The following LTBP3 variants were observed in gnomAD, a reference collection of about 807,000 sequenced individuals.
LTBP3 encodes latent-transforming growth factor beta-binding protein 3.
In LTBP3, 97 loss-of-function variants were observed where a neutral mutation model predicts 159.7. The observed-to-expected ratio is 0.61, with a 90% CI of 0.52 to 0.72. The LOEUF (loss-of-function observed/expected upper bound fraction) is 0.72, where lower values mean the gene tolerates loss of function less well. Ranked by LOEUF, LTBP3 falls within the 30% of genes least tolerant of loss-of-function variation. The pLI is 0.00. For missense variants in LTBP3, 1,584 were observed against 1,864.3 expected (o/e 0.85, Z 2.77); for synonymous variants, 824 against 777.1 (o/e 1.06, Z -1.00).
At chr11:65,556,813 C>T (rs546052599) in intron 1 of LTBP3, among the ~76,000 whole-genome samples, 1 of 152,166 alleles carries the variant, frequency 6.6e-6, no homozygotes, top group Non-Finnish European at 1.5e-5. Flanking sequence ...GGCCTAATTA[C>T]CCTGTCCAGG....
In LTBP3 at chr11:65,546,464, C is replaced by A; in HGVS notation, c.2331G>T (p.Ala777=). Residue 777 remains alanine (A), a synonymous_variant, in exon 16 of 28, where the codon GCG becomes GCT. Transcript: ENST00000301873. This position sits in a 1 kb window ranked among gnomAD's most constrained non-coding sequence, Gnocchi z 4.0. The part of the protein sequence containing the change: ...RCTCAQGYAP[A]PDGRSCLDVD... Reference sequence around the variant, plus strand: ...CACCCAAGCAACTGCGGCCGTCGGGCGCGGGCGCGTAGCCCTGGGCACAGG... The same window carrying A: ...CACCCAAGCAACTGCGGCCGTCGGGAGCGGGCGCGTAGCCCTGGGCACAGG... The A allele has an allele frequency of 6.3e-7, 1 of 1,577,604 alleles. No homozygotes were observed. The highest frequency in any genetic ancestry group is 8.6e-7 in the Non-Finnish European group (1 of 1,169,478).
Position 65,546,717 on chromosome 11 carries a change from A to ACCCCC in LTBP3, c.2230+80_2230+81insGGGGG. 17 of 1,519,238 alleles carry ACCCCC rather than the reference A, an allele frequency of 1.1e-5. No individual in the cohort carries two copies. The highest frequency in any genetic ancestry group is 1.4e-5 in the Non-Finnish European group (16 of 1,131,142). The allele number at this position is 1,519,238 out of a possible 1,614,324, so 94.1% of individuals were successfully genotyped here. A position where few individuals can be genotyped will look rare whatever the true frequency, so the allele number is the denominator to read the frequency against. On this transcript the variant is annotated intron_variant, in intron 15 of 27. Transcript: ENST00000301873. This position sits in a 1 kb window ranked among gnomAD's most constrained non-coding sequence, Gnocchi z 4.0. ...CCCCCAGACGCCAATCACCACCGCT[A>ACCCCC]CCCCGCCCCGCCCCCAGCGGAGCCA...
In LTBP3 at chr11:65,539,636, GAGC is replaced by G; in HGVS notation, c.3548-11_3548-9del. 1 of 1,608,326 alleles carries G rather than the reference GAGC, an allele frequency of 6.2e-7. No individual in the cohort carries two copies. Among genetic ancestry groups the G allele is most frequent in the Non-Finnish European group, 8.5e-7 (1 of 1,178,344 alleles). ...ATGTCGGGCAATGGGACCCTGGGAG[GAGC>G]AGAACTGGTCAGCGACGTCCGGGTC... On this transcript the variant is annotated splice_polypyrimidine_tract_variant and intron_variant, in intron 25 of 27. Transcript: ENST00000301873.
Position 65,539,724 on chromosome 11 carries a change from G to A in LTBP3, c.3543C>T (p.Gly1181=), listed in dbSNP as rs1379454381. Residue 1181 remains glycine, a synonymous_variant, in exon 25 of 28, where the codon GGC becomes GGT. Transcript: ENST00000301873. The stretch of plus-strand genomic sequence containing the variant: ...ACTCCTCCCCGACTGCCTTACCCGC[G>A]CCGCGCGGCGGGCACGGTCGGCATT... ...GAQCRPCPPR[G]AGSHCPTSQS... The A allele has an allele frequency of 1.3e-6, 2 of 1,549,612 alleles. No individual in the cohort carries two copies. The highest frequency in any genetic ancestry group is 8.7e-7 in the Non-Finnish European group (1 of 1,154,338).
At chr11:65,542,977 G>C in intron 18 of LTBP3, 128 bp downstream of exon 18, 1 of 1,128,962 alleles carries the variant, frequency 8.9e-7, no homozygotes, top group South Asian at 1.2e-5. Flanking sequence ...TGGATGGATA[G>C]ATGGATGGAT....
chr11:65,553,064 C>T lies in LTBP3; in HGVS notation c.1064-82G>A, dbSNP rs1856670067. 6.2e-7 allele frequency: 1 copy of T among 1,605,386 alleles called. No individual in the cohort carries two copies. The highest frequency in any genetic ancestry group is 1.3e-5 in the African/African-American group (1 of 74,704). ...TGCTCCAAGAACCTCAGGGTCTTGC[C>T]CCAGCCCCACCTCCTCTCTCGCCCA... On this transcript the variant is annotated intron_variant, in intron 5 of 27. Transcript: ENST00000301873. This position sits in a 1 kb window ranked among gnomAD's most constrained non-coding sequence, Gnocchi z 6.5.
In LTBP3 at chr11:65,552,384, G is replaced by A. The variant is rs765917202; in HGVS notation, c.1209C>T (p.Ser403=). The change falls in exon 7 of 28, where the codon AGC becomes AGT. Residue 403 remains serine (S), a synonymous_variant. Transcript: ENST00000301873. The surrounding 1 kb of genome is among the most constrained non-coding windows in gnomAD (Gnocchi z 6.0). ...CAGGGCTCACCAGGCGGAAACACAGGCTCTTCTCCTCCGGTTTGTCTGCTG... is the reference window on the plus strand; with the variant it reads ...CAGGGCTCACCAGGCGGAAACACAGACTCTTCTCCTCCGGTTTGTCTGCTG... ...QCIADKPEEK[S]LCFRLVSPEH... The A allele has an allele frequency of 6.2e-7, 1 of 1,613,670 alleles. No homozygotes were observed. Among genetic ancestry groups the A allele is most frequent in the Admixed American group, 1.7e-5 (1 of 60,022 alleles).
chr11:65,547,755 G>A lies in LTBP3; in HGVS notation c.1913C>T (p.Ser638Phe). ...GRGICMNTGGSYNCHCNRGYR... is the reference protein window; with the variant it reads ...GRGICMNTGGFYNCHCNRGYR... ...GCCGCGGTTGCAGTGGCAATTGTAG[G>A]AGCCGCCGGTGTTCATGCAGATGCC... Residue 638 changes from serine to phenylalanine, a missense_variant, in exon 13 of 28, where the codon TCC (serine) becomes TTC (phenylalanine). This residue lies in a region of LTBP3 where 565 missense variants were observed against 677.7 expected (regional missense o/e 0.83). Transcript: ENST00000301873. This position sits in a 1 kb window ranked among gnomAD's most constrained non-coding sequence, Gnocchi z 4.6. 3.1e-6 allele frequency: 5 copies of A among 1,610,118 alleles called. No individual in the cohort carries two copies. The highest frequency in any genetic ancestry group is 1.1e-5 in the South Asian group (1 of 90,914).
intron 21 of LTBP3, 127 bp from the exon 22 acceptor site, chr11:65,540,741 G>GGGCCTACAGGGCGC: frequency 6.7e-7 from 1 of 1,503,192 alleles, no homozygotes; most frequent in Non-Finnish European, 9.1e-7. Flanking sequence ...CTACAGGGCG[G>GGGCCTACAGGGCGC]GGCCTGCGAG....
chr11:65,553,893 CG>C lies in LTBP3; in HGVS notation c.671del (p.Pro224ArgfsTer5). The C allele has an allele frequency of 6.6e-7, 1 of 1,525,532 alleles. No homozygotes were observed. Among genetic ancestry groups the C allele is most frequent in the Non-Finnish European group, 8.8e-7 (1 of 1,137,680 alleles). The allele number at this position is 1,525,532 out of a possible 1,614,324, so 94.5% of individuals were successfully genotyped here. On this transcript the variant is annotated frameshift_variant, in exon 3 of 28. Coordinates refer to ENST00000301873, the MANE Select transcript of LTBP3 (RefSeq NM_001130144.3). LOFTEE classifies it high-confidence loss of function. This position sits in a 1 kb window ranked among gnomAD's most constrained non-coding sequence, Gnocchi z 6.5. ...GGACGCGCACATTCACCACGGGGGG[CG>C]GGGCCTGCACTGGGGGCGGGCGCGG... ...PGQISAEVQA[P>X]PPVVNVRVHH... is the part of the protein sequence containing the mutation.
Position 65,541,151 on chromosome 11 carries a change from G to A in LTBP3, c.2868C>T (p.Ile956=), listed in dbSNP as rs763699731. Reference sequence around the variant, plus strand: ...CTGAGCTGTAGACTGGGCAGGGGTAGATTTCGCAGTGGTCGCCCCAGCCGG... The same window carrying A: ...CTGAGCTGTAGACTGGGCAGGGGTAAATTTCGCAGTGGTCGCCCCAGCCGG... ...LGAGWGDHCE[I]YPCPVYSSAE... is the part of the protein sequence containing the mutation. The change falls in exon 20 of 28, where the codon ATC becomes ATT. Residue 956 remains isoleucine, a synonymous_variant. Coordinates refer to ENST00000301873, the MANE Select transcript of LTBP3 (RefSeq NM_001130144.3). 3.7e-6 allele frequency: 6 copies of A among 1,613,198 alleles called. No homozygotes were observed. The highest frequency in any genetic ancestry group is 4.2e-6 in the Non-Finnish European group (5 of 1,179,960).
At chr11:65,541,549 G>A (rs1301335770) in intron 19 of LTBP3, 51 bp downstream of exon 19, 1 of 1,613,170 alleles carries the variant, frequency 6.2e-7, no homozygotes, top group African/African-American at 1.3e-5. Flanking sequence ...AATCCCAGCT[G>A]CAGCTCAGGG....
chr11:65,542,947 T>C, intron 18 of LTBP3, 158 bp downstream of exon 18: 1 of 873,772 alleles, frequency 1.1e-6, no homozygotes, highest in Non-Finnish European at 1.8e-6. Context: ...GATGGATGGA[T>C]GGATGGATGG....
chr11:65,553,941 C>A lies in LTBP3; in HGVS notation c.662-38G>T. The A allele has an allele frequency of 6.6e-7, 1 of 1,520,756 alleles. No individual in the cohort carries two copies. Among genetic ancestry groups the A allele is most frequent in the Non-Finnish European group, 8.8e-7 (1 of 1,130,888 alleles). 94.2% of individuals were successfully genotyped at this position (1,520,756 alleles called of 1,614,324 possible). On this transcript the variant is annotated intron_variant, in intron 2 of 27. Transcript: ENST00000301873. The surrounding 1 kb of genome is among the most constrained non-coding windows in gnomAD (Gnocchi z 6.5). Reference sequence around the variant, plus strand: ...GCGGTGGCCTCAGGGCTGCCCGCACCGCGCCGCGGGTCACCGCGCTGAGCT... The same window carrying A: ...GCGGTGGCCTCAGGGCTGCCCGCACAGCGCCGCGGGTCACCGCGCTGAGCT...
chr11:65,552,500 A>T lies in LTBP3; in HGVS notation c.1187-94T>A. ...TGCAGACCTTGCCTCTCCGGCCCAG[A>T]CAACCCTTGATCCCCCATGTGGTCT... On this transcript the variant is annotated intron_variant, in intron 6 of 27. Transcript: ENST00000301873. This position sits in a 1 kb window ranked among gnomAD's most constrained non-coding sequence, Gnocchi z 6.0. The T allele has an allele frequency of 6.7e-7, 1 of 1,492,648 alleles. No individual in the cohort carries two copies. The highest frequency in any genetic ancestry group is 9.1e-7 in the Non-Finnish European group (1 of 1,095,196). The allele number at this position is 1,492,648 out of a possible 1,614,324, so 92.5% of individuals were successfully genotyped here. A position where few individuals can be genotyped will look rare whatever the true frequency, so the allele number is the denominator to read the frequency against.
chr11:65,540,705 G>GGCGGGGCCTACAGGAGGA, intron 21 of LTBP3, 91 bp from the exon 22 acceptor site: 1 of 1,590,452 alleles, frequency 6.3e-7, no homozygotes, highest in Non-Finnish European at 8.6e-7. Context: ...GCCATCCCCG[G>GGCGGGGCCTACAGGAGGA]GCGGGGCCTA....
In LTBP3 at chr11:65,552,515, C is replaced by T. The variant is rs4099470; in HGVS notation, c.1187-109G>A. ...TCCGGCCCAGACAACCCTTGATCCC[C>T]CATGTGGTCTCTGACCCCATATGAC... is the stretch of plus-strand genomic sequence containing the variant. On this transcript the variant is annotated intron_variant, in intron 6 of 27. Transcript: ENST00000301873. This position sits in a 1 kb window ranked among gnomAD's most constrained non-coding sequence, Gnocchi z 6.0. The T allele has an allele frequency of 0.062, 86,074 of 1,392,406 alleles. 3,156 individuals are homozygous for T. The highest frequency in any genetic ancestry group is 0.13 in the South Asian group (10,856 of 81,322). 86.3% of individuals were successfully genotyped at this position (1,392,406 alleles called of 1,614,324 possible).
chr11:65,545,240 C>T (rs551167121), intron 16 of LTBP3: 128 of 191,632 alleles, frequency 6.7e-4, no homozygotes, highest in African/African-American at 3.0e-3. Flanking sequence ...CAACGCCTTC[C>T]GCAGCCTGCC....
Position 65,557,845 on chromosome 11 carries a change from C to T in LTBP3, c.115G>A (p.Gly39Ser). ...CCGGCCGGCCCCCCCTCGACCCTGC[C>T]GCCCAGGCCCAGCAGCAGCAGCAGC... ...LLLLLLLGLG[G>S]RVEGGPAGER... Residue 39 changes from glycine (G) to serine (S), a missense_variant, in exon 1 of 28, where the codon GGC becomes AGC. Transcript: ENST00000301873. The T allele has an allele frequency of 3.0e-6, 4 of 1,349,960 alleles. No homozygotes were observed. Among genetic ancestry groups the T allele is most frequent in the Non-Finnish European group, 3.8e-6 (4 of 1,042,734 alleles). 83.6% of individuals were successfully genotyped at this position (1,349,960 alleles called of 1,614,324 possible).
Sources: gnomAD v4.1 joint callset for allele counts (sites outside exome capture counted in the v4.1 genomes callset) on GRCh38, gnomAD v4.1.1 for gene constraint, gnomAD v4.1.1 regional missense constraint, Gnocchi (gnomAD v3.1) non-coding constraint, MANE v1.5 for transcripts, NCBI Gene and HGNC (gene_info 2026-07-23, HGNC 2026-07-21) for gene names.